The following ABCC2 variants were observed in gnomAD, a reference collection of about 807,000 sequenced individuals.
ABCC2 encodes ATP binding cassette subfamily C member 2.
In ABCC2, 157 loss-of-function variants were observed where a neutral mutation model predicts 173.4. The observed-to-expected ratio is 0.91, with a 90% CI of 0.80 to 1.03. The LOEUF (loss-of-function observed/expected upper bound fraction) is 1.03. ABCC2 is among the 50% of genes least tolerant of loss of function. ABCC2 has a pLI of 0.00. For synonymous variants in ABCC2, 657 were observed against 693.5 expected (o/e 0.95, Z 0.83); for missense variants, 1,822 against 1,852.3 (o/e 0.98, Z 0.30).
chr10:99,822,421 C>T (rs919007875), intron 19 of ABCC2, among the ~76,000 whole-genome samples: 3 of 151,082 alleles, frequency 2.0e-5, no homozygotes, highest in African/African-American at 4.9e-5. Flanking sequence ...CAACGGTGCT[C>T]GACTGTGGTG....
intron 3 of ABCC2, 106 bp from the exon 4 acceptor site, chr10:99,793,445 C>T: frequency 1.3e-6 from 2 of 1,522,680 alleles, no homozygotes; most frequent in Non-Finnish European, 1.8e-6. Context: ...TCACGACAGT[C>T]TCCTCCCTCA....
intron 17 of ABCC2, 134 bp downstream of exon 17, chr10:99,817,618 A>C: frequency 1.0e-6 from 1 of 1,000,048 alleles, no homozygotes; most frequent in African/African-American, 1.6e-5. Flanking sequence ...AACACCAGAA[A>C]TCATGTGTTT....
chr10:99,789,212 T>C (rs1290898428), intron 2 of ABCC2: 1 of 152,240 alleles, frequency 6.6e-6, no homozygotes, highest in Non-Finnish European at 1.5e-5. Flanking sequence ...AGTGGAAGAA[T>C]TAGAGCTTTC....
chr10:99,811,463 GGAGA>G lies in ABCC2; in HGVS notation c.1901-68_1901-65del. 2 of 1,452,034 alleles carry G rather than the reference GGAGA, an allele frequency of 1.4e-6. 1 individual carries two copies. Among genetic ancestry groups the G allele is most frequent in the South Asian group, 2.3e-5 (2 of 87,768 alleles). 89.9% of individuals were successfully genotyped at this position (1,452,034 alleles called of 1,614,324 possible). On this transcript the variant is annotated intron_variant, in intron 14 of 31. Transcript: ENST00000647814. ...AATCCTAGGAGCTGATGGAGAAAGC[GGAGA>G]GAGACACGTGAGGGCAGACAGTCAC...
intron 7 of ABCC2, among the ~76,000 whole-genome samples, chr10:99,798,514 G>A (rs1336201560): frequency 6.6e-6 from 1 of 152,130 alleles, no homozygotes; most frequent in Non-Finnish European, 1.5e-5. Flanking sequence ...CTGAAGTCAA[G>A]ATATCAGACT....
At chr10:99,821,490 C>T (rs2038536875) in intron 19 of ABCC2, among the ~76,000 whole-genome samples, 1 of 152,142 alleles carries the variant, frequency 6.6e-6, no homozygotes, top group Admixed American at 6.5e-5. Context: ...CTTTCCTAGG[C>T]AGAGGTCCCT....
chr10:99,792,297 T>C lies in ABCC2; in HGVS notation c.271T>C (p.Ser91Pro). 1 of 1,614,168 alleles carries C rather than the reference T, an allele frequency of 6.2e-7. No individual in the cohort carries two copies. Among genetic ancestry groups the C allele is most frequent in the Non-Finnish European group, 8.5e-7 (1 of 1,180,010 alleles). ...IELALVLTEDSGQATVPAVRY... is the reference protein window; with the variant it reads ...IELALVLTEDPGQATVPAVRY... ...GCTGGCCCTTGTACTCACAGAAGAC[T>C]CTGGACAAGCCACAGTCCCTGCTGT... Residue 91 changes from serine to proline, a missense_variant, in exon 3 of 32, where the codon TCT (serine) becomes CCT (proline). Physicochemically the swap from Ser to Pro is moderately conservative, Grantham distance 74 (BLOSUM62 -1). Transcript: ENST00000647814.
At chr10:99,842,834 G>A (rs946568970) in intron 26 of ABCC2, among the ~76,000 whole-genome samples, 3 of 152,172 alleles carry the variant, frequency 2.0e-5, no homozygotes, top group Non-Finnish European at 4.4e-5. Flanking sequence ...TGGATCACCT[G>A]AGGTCAGGAG....
intron 4 of ABCC2, 54 bp from the exon 5 acceptor site, chr10:99,793,838 T>C: frequency 6.3e-7 from 1 of 1,577,328 alleles, no homozygotes; most frequent in South Asian, 1.1e-5. Flanking sequence ...ACGGGCCATG[T>C]AGACTTCCTT....
intron 2 of ABCC2, chr10:99,789,325 G>A (rs182561362): frequency 2.6e-5 from 4 of 152,300 alleles, no homozygotes; most frequent in Admixed American, 2.6e-4. Flanking sequence ...TCAGGGCCAC[G>A]AGTCACAGGC....
At chr10:99,816,259 C>T (rs2038408161) in intron 16 of ABCC2, among the ~76,000 whole-genome samples, 1 of 151,564 alleles carries the variant, frequency 6.6e-6, no homozygotes, top group Non-Finnish European at 1.5e-5. Flanking sequence ...AGCCACCGCG[C>T]CCGGCCTCCA....
rs370047287 is a variant in ABCC2 at position 99,793,548 on chromosome 10, C to T, written c.334-3C>T. 315 of 1,614,072 alleles carry T rather than the reference C, an allele frequency of 2.0e-4. 2 individuals are homozygous for T. Among genetic ancestry groups the T allele is most frequent in the South Asian group, 1.3e-3 (115 of 91,082 alleles). ...TCAGAACATCATGTGAATTTCTCTC[C>T]AGCTCCTGGTTTTGCTGATCCAATA... is the stretch of plus-strand genomic sequence containing the variant. On this transcript the variant is annotated splice_polypyrimidine_tract_variant and splice_region_variant and intron_variant, in intron 3 of 31. Transcript: ENST00000647814.
rs749196131 is a variant in ABCC2 at position 99,793,604 on chromosome 10, C to T, written c.387C>T (p.Ser129=). ...GACAATGGTGTGTACAGAAAAACTC[C>T]TGGTTCCTGTCCCTATTCTGGATTC... The part of the protein sequence containing the change: ...YSRQWCVQKN[S]WFLSLFWILS... The change falls in exon 4 of 32, where the codon TCC becomes TCT. Residue 129 remains serine (S), a synonymous_variant. Coordinates refer to ENST00000647814, the MANE Select transcript of ABCC2 (RefSeq NM_000392.5). 5.0e-6 allele frequency: 8 copies of T among 1,614,114 alleles called. No individual in the cohort carries two copies. The Admixed American group carries it at 1.2e-4, about 24-fold the overall frequency.
intron 2 of ABCC2, among the ~76,000 whole-genome samples, chr10:99,790,394 T>G (rs1253104038): frequency 1.3e-5 from 2 of 152,226 alleles, no homozygotes; most frequent in Non-Finnish European, 2.9e-5. Context: ...ATTGAGTTAT[T>G]AGGGTATTTT....
At chr10:99,804,396 T>G in intron 10 of ABCC2, 123 bp downstream of exon 10, 3 of 1,302,152 alleles carry the variant, frequency 2.3e-6, no homozygotes, top group Non-Finnish European at 3.2e-6. Context: ...CTTTCTACCA[T>G]CTCAATTGTA....
intron 7 of ABCC2, among the ~76,000 whole-genome samples, chr10:99,798,361 T>A (rs953080170): frequency 6.6e-6 from 1 of 152,070 alleles, no homozygotes; most frequent in Non-Finnish European, 1.5e-5. Context: ...GAGGACATAA[T>A]GAGGAGGCCA....
chr10:99,850,378 A>G (rs2039071554), intron 30 of ABCC2, among the ~76,000 whole-genome samples: 1 of 152,214 alleles, frequency 6.6e-6, no homozygotes, highest in South Asian at 2.1e-4. Context: ...GCCCAGAAAT[A>G]TGACTTTTTA....
At chr10:99,804,396 T>A in intron 10 of ABCC2, 123 bp downstream of exon 10, 1 of 1,302,176 alleles carries the variant, frequency 7.7e-7, no homozygotes, top group East Asian at 2.4e-5. Flanking sequence ...CTTTCTACCA[T>A]CTCAATTGTA....
chr10:99,851,347 T>G (rs1367725476), intron 31 of ABCC2, among the ~76,000 whole-genome samples, 155 bp from the exon 32 acceptor site: 1 of 152,248 alleles, frequency 6.6e-6, no homozygotes, highest in Non-Finnish European at 1.5e-5. Context: ...TTTGCAGAAT[T>G]CATCCATGTT....
Sources: gnomAD v4.1 joint callset for allele counts (sites outside exome capture counted in the v4.1 genomes callset) on GRCh38, gnomAD v4.1.1 for gene constraint, MANE v1.5 for transcripts, NCBI Gene and HGNC (gene_info 2026-07-23, HGNC 2026-07-21) for gene names.